Variants in PACRG observed in about 807,000 individuals in gnomAD.
PACRG encodes the protein parkin coregulated gene protein.
In PACRG, 29 loss-of-function variants were observed where a neutral mutation model predicts 29.7. The observed-to-expected ratio is 0.98, with a 90% CI of 0.73 to 1.33. The LOEUF (loss-of-function observed/expected upper bound fraction) is 1.33. Among genes scored for constraint, PACRG ranks in the 40% most tolerant of loss-of-function variants. The pLI, the probability that PACRG is intolerant of heterozygous loss-of-function variation, is 0.00. For synonymous variants in PACRG, 116 were observed against 118.7 expected, an observed-to-expected ratio of 0.98 and a Z score of 0.15; for missense variants, 279 against 316.2, an observed-to-expected ratio of 0.88 and a Z score of 0.89.
intron 4 of PACRG, among the ~76,000 whole-genome samples, chr6:163,157,763 A>T (rs906464589): frequency 1.3e-5 from 2 of 152,220 alleles, no homozygotes; most frequent in South Asian, 2.1e-4. Flanking sequence ...GGCTTGGAAG[A>T]TTCTATCATT....
At chr6:163,234,226 G>A (rs11964855) in intron 4 of PACRG, among the ~76,000 whole-genome samples, 36,581 of 133,656 alleles carry the variant, frequency 0.27, 5,267 homozygotes, top group Middle Eastern at 0.39. Flanking sequence ...GATCTGCAAT[G>A]TTTGAAGTGA....
At chr6:162,972,351 G>T (rs1801604711) in intron 2 of PACRG, among the ~76,000 whole-genome samples, 2 of 152,114 alleles carry the variant, frequency 1.3e-5, no homozygotes, top group African/African-American at 4.8e-5. Context: ...TCTAAAGATT[G>T]CCTACTTCAG....
intron 4 of PACRG, among the ~76,000 whole-genome samples, chr6:163,289,070 C>T (rs1400888482): frequency 6.6e-6 from 1 of 152,180 alleles, no homozygotes; most frequent in Non-Finnish European, 1.5e-5. Context: ...TAGACTGTGG[C>T]ATGCAGATGG....
At chr6:162,806,939 A>G (rs1170454412) in intron 1 of PACRG, among the ~76,000 whole-genome samples, 1 of 152,204 alleles carries the variant, frequency 6.6e-6, no homozygotes, top group African/African-American at 2.4e-5. Context: ...TACTGTAGCC[A>G]CTTTCATCAT....
chr6:163,268,225 C>A (rs1449670459), intron 4 of PACRG, among the ~76,000 whole-genome samples: 1 of 151,800 alleles, frequency 6.6e-6, no homozygotes, highest in African/African-American at 2.4e-5. Context: ...ATGGTGAAAC[C>A]CCATCTCTAC....
At chr6:163,174,782 A>G (rs769857998) in intron 4 of PACRG, among the ~76,000 whole-genome samples, 37 of 152,278 alleles carry the variant, frequency 2.4e-4, no homozygotes, top group Admixed American at 3.9e-4. Flanking sequence ...CATCATCATT[A>G]TTGTTACTGT....
chr6:162,787,891 A>G (rs898253173), intron 1 of PACRG, among the ~76,000 whole-genome samples: 8 of 133,900 alleles, frequency 6.0e-5, no homozygotes, highest in Admixed American at 1.4e-4. Flanking sequence ...GGATTTTTTA[A>G]ATTAATAGAC....
intron 2 of PACRG, among the ~76,000 whole-genome samples, chr6:162,908,894 T>A (rs77161682): frequency 1.3e-5 from 2 of 152,050 alleles, no homozygotes; most frequent in African/African-American, 4.8e-5. Flanking sequence ...GCATATCAAA[T>A]TATTGGACTG....
At chr6:163,005,818 C>T (rs1037605487) in intron 2 of PACRG, among the ~76,000 whole-genome samples, 12 of 147,266 alleles carry the variant, frequency 8.1e-5, no homozygotes, top group East Asian at 2.0e-4. Context: ...CATAGTTATA[C>T]GTGTTATATA....
chr6:163,234,393 T>C (rs1049856826), intron 4 of PACRG, among the ~76,000 whole-genome samples: 2 of 152,176 alleles, frequency 1.3e-5, no homozygotes, highest in East Asian at 1.9e-4. Flanking sequence ...CCTCTCTTGC[T>C]TCCTCTCTGG....
chr6:163,139,751 G>C (rs1445651583), intron 4 of PACRG, among the ~76,000 whole-genome samples: 1 of 152,194 alleles, frequency 6.6e-6, no homozygotes, highest in Non-Finnish European at 1.5e-5. Flanking sequence ...AAAAACTGCA[G>C]TTACTTCTGC....
In PACRG at chr6:162,728,064, C is replaced by T; in HGVS notation, c.-172C>T. On this transcript the variant is annotated 5_prime_UTR_variant, in exon 1 of 5. Coordinates refer to ENST00000366888, the MANE Select transcript of PACRG (RefSeq NM_001080379.2). ...CCCGCCCCGCCCCTAGGGTCCAGCT[C>T]CCTTCACCTAGGAGCTGCCAAACAT... 3.8e-6 allele frequency: 3 copies of T among 794,796 alleles called. No individual in the cohort carries two copies. Among genetic ancestry groups the T allele is most frequent in the Middle Eastern group, 3.7e-4 (1 of 2,734 alleles). The allele number at this position is 794,796 out of a possible 1,614,324, so 49.2% of individuals were successfully genotyped here. A position where few individuals can be genotyped will look rare whatever the true frequency, so the allele number is the denominator to read the frequency against.
At chr6:162,774,299 G>C (rs1252163736) in intron 1 of PACRG, among the ~76,000 whole-genome samples, 1 of 152,200 alleles carries the variant, frequency 6.6e-6, no homozygotes, top group East Asian at 1.9e-4. Context: ...CAAAAGGGCA[G>C]CCAGCCTTTA....
At chr6:162,935,658 G>A (rs972972311) in intron 2 of PACRG, among the ~76,000 whole-genome samples, 5 of 151,430 alleles carry the variant, frequency 3.3e-5, no homozygotes, top group Admixed American at 1.3e-4. Flanking sequence ...CATTATTTTG[G>A]ATTTCTTTTC....
intron 2 of PACRG, among the ~76,000 whole-genome samples, chr6:162,993,906 T>C (rs2128188142): frequency 1.0e-5 from 1 of 98,118 alleles, no homozygotes; most frequent in South Asian, 4.6e-4. Context: ...TGTTTAGCGC[T>C]TCCTTCAGGA....
intron 2 of PACRG, among the ~76,000 whole-genome samples, chr6:162,958,057 T>G (rs1800202035): frequency 6.6e-6 from 1 of 152,190 alleles, no homozygotes. Context: ...ATCCTGAGAA[T>G]AATAAGATGT....
Position 163,062,199 on chromosome 6 carries a change from A to G in PACRG, c.341A>G (p.Asp114Gly), listed in dbSNP as rs148619883. The G allele has an allele frequency of 7.3e-5, 118 of 1,613,726 alleles. No individual in the cohort carries two copies. The highest frequency in any genetic ancestry group is 9.8e-5 in the Non-Finnish European group (116 of 1,179,954). The change falls in exon 3 of 5, where the codon GAT (aspartate) becomes GGT (glycine). Residue 114 changes from aspartate to glycine, a missense_variant. Physicochemically the swap from Asp to Gly is moderately conservative, Grantham distance 94. Coordinates refer to ENST00000366888, the MANE Select transcript of PACRG (RefSeq NM_001080379.2). ...CATCATTATCTGCCTCTGTTTTTTG[A>G]TGGGCTTTGTGAAATGACATTTCCC... ...DYHHYLPLFF[D>G]GLCEMTFPYE...
chr6:163,074,222 A>G lies in PACRG; in HGVS notation c.463+11901A>G, dbSNP rs79732990. On this transcript the variant is annotated intron_variant, in intron 3 of 4. Coordinates refer to ENST00000366888, the MANE Select transcript of PACRG (RefSeq NM_001080379.2). ...AAAAAAAATATGGTACATAAACACAATGGAGTGCTATTTAGTCATAAAAAA... is the reference window on the plus strand; with the variant it reads ...AAAAAAAATATGGTACATAAACACAGTGGAGTGCTATTTAGTCATAAAAAA... Among the ~76,000 whole-genome samples the G allele has an allele frequency of 3.4e-3, 523 of 152,328 alleles. 3 individuals are homozygous for G. Among genetic ancestry groups the G allele is most frequent in the African/African-American group, 0.012 (494 of 41,582 alleles).
chr6:163,127,113 C>T (rs2128327478), intron 4 of PACRG, among the ~76,000 whole-genome samples: 1 of 152,256 alleles, frequency 6.6e-6, no homozygotes, highest in South Asian at 2.1e-4. Context: ...TAAATGAATG[C>T]CAACAGGGTC....
Sources: allele counts gnomAD v4.1 joint callset (sites outside exome capture counted in the v4.1 genomes callset), GRCh38; gene constraint gnomAD v4.1.1; transcripts MANE v1.5; gene names NCBI Gene and HGNC (gene_info 2026-07-23, HGNC 2026-07-21).